Variants in STARD9 observed in about 807,000 individuals in gnomAD.
STARD9 encodes the protein StAR related lipid transfer domain containing 9.
STARD9 carries 346 observed loss-of-function variants against 399.8 expected under a neutral mutation model. The observed-to-expected ratio is 0.87, with a 90% CI of 0.79 to 0.95. The LOEUF (loss-of-function observed/expected upper bound fraction) is 0.95. Ranked by LOEUF, STARD9 falls within the 40% of genes least tolerant of loss-of-function variation. The pLI, the probability that STARD9 is intolerant of heterozygous loss-of-function variation, is 0.00. For synonymous variants in STARD9, 2,203 were observed against 2,143.5 expected, an observed-to-expected ratio of 1.03 and a Z score of -0.77; for missense variants, 5,832 against 5,667.5, an observed-to-expected ratio of 1.03 and a Z score of -0.93.
Position 42,684,890 on chromosome 15 carries a change from T to C in STARD9, c.3312T>C (p.Asp1104=). 1.3e-6 allele frequency: 2 copies of C among 1,537,066 alleles called. No homozygotes were observed. Among genetic ancestry groups the C allele is most frequent in the South Asian group, 2.4e-5 (2 of 84,068 alleles). The change falls in exon 23 of 33, where the codon GAT becomes GAC. Residue 1104 remains aspartate (D), a synonymous_variant. Coordinates refer to ENST00000290607, the MANE Select transcript of STARD9 (RefSeq NM_020759.3). The part of the protein sequence containing the change: ...REKDNDLSDT[D]SNYSLDSLSC... ...AAGACAATGATTTATCTGACACAGA[T>C]AGCAACTACTCATTGGATTCTCTCT...
At chr15:42,708,085 C>T (rs1053428309) in intron 26 of STARD9, among the ~76,000 whole-genome samples, 6 of 151,462 alleles carry the variant, frequency 4.0e-5, no homozygotes, top group Admixed American at 1.3e-4. Flanking sequence ...CCTGGGAAGT[C>T]GAGGCTGTGG....
At chr15:42,670,643 A>C (rs2060186542) in intron 16 of STARD9, 1 of 152,156 alleles carries the variant, frequency 6.6e-6, no homozygotes, top group Non-Finnish European at 1.5e-5. Context: ...ATCCCTGGAG[A>C]AATTGGACTC....
chr15:42,654,472 G>C lies in STARD9; in HGVS notation c.702+1880G>C, dbSNP rs569708425. 1.2e-4 allele frequency among the ~76,000 whole-genome samples: 18 copies of C among 152,270 alleles called. No homozygotes were observed. In the South Asian group the frequency reaches 3.5e-3, roughly 30 times the overall value. ...AAAGAAATAAAGGGCATCCAGATCA[G>C]TAAAGAGGAAGTCAAACTGTTGCTG... is the stretch of plus-strand genomic sequence containing the variant. On this transcript the variant is annotated intron_variant, in intron 9 of 32. Transcript: ENST00000290607.
Position 42,607,280 on chromosome 15 carries a change from A to G in STARD9, c.234+21643A>G, listed in dbSNP as rs894639035. ...TACAGTGGTGCGATCTCAGTTCACT[A>G]CAACCTTCGCCTCCTGGGTTCAAGC... On this transcript the variant is annotated intron_variant, in intron 3 of 32. Coordinates refer to ENST00000290607, the MANE Select transcript of STARD9 (RefSeq NM_020759.3). 4.6e-5 allele frequency among the ~76,000 whole-genome samples: 6 copies of G among 130,918 alleles called. No homozygotes were observed. The East Asian group carries it at 1.5e-3, about 33-fold the overall frequency. 85.9% of individuals were successfully genotyped at this position (130,918 alleles called of 152,430 possible).
At chr15:42,645,805 G>T (rs927420524) in intron 7 of STARD9, among the ~76,000 whole-genome samples, 1 of 152,052 alleles carries the variant, frequency 6.6e-6, no homozygotes, top group Non-Finnish European at 1.5e-5. Flanking sequence ...GCCTCCCAAA[G>T]TTCTGGGATT....
intron 16 of STARD9, chr15:42,670,529 A>G (rs1046776543): frequency 1.1e-4 from 17 of 152,336 alleles, no homozygotes; most frequent in African/African-American, 4.1e-4. Flanking sequence ...CCCATGCTCA[A>G]AATCCCTGTG....
intron 3 of STARD9, among the ~76,000 whole-genome samples, chr15:42,587,787 A>G (rs1327770551): frequency 1.3e-5 from 2 of 151,602 alleles, no homozygotes; most frequent in East Asian, 3.9e-4. Context: ...CTGATCTCGA[A>G]CTCCCGACCT....
intron 7 of STARD9, among the ~76,000 whole-genome samples, chr15:42,650,647 A>G (rs2059741962): frequency 6.6e-6 from 1 of 152,198 alleles, no homozygotes; most frequent in Admixed American, 6.5e-5. Flanking sequence ...CGAGTCTGCC[A>G]CCTTGTGGGG....
rs1417788631 is a variant in STARD9 at position 42,720,288 on chromosome 15, C to T, written c.*714C>T. The T allele has an allele frequency of 6.6e-6, 1 of 152,274 alleles. No homozygotes were observed. The highest frequency in any genetic ancestry group is 1.9e-4 in the East Asian group (1 of 5,198). The allele number at this position is 152,274 out of a possible 1,614,324, so 9.4% of individuals were successfully genotyped here. A position where few individuals can be genotyped will look rare whatever the true frequency, so the allele number is the denominator to read the frequency against. ...CGGTCAGATGGAAGACACTATAGAA[C>T]CAGGTTGGACAGATTTGGGGTCAGG... On this transcript the variant is annotated 3_prime_UTR_variant, in exon 33 of 33. Coordinates refer to ENST00000290607, the MANE Select transcript of STARD9 (RefSeq NM_020759.3).
intron 3 of STARD9, among the ~76,000 whole-genome samples, chr15:42,618,572 A>G (rs1353852013): frequency 1.3e-5 from 2 of 151,786 alleles, no homozygotes; most frequent in African/African-American, 2.4e-5. Context: ...AAAATACTTG[A>G]AAAAAAAGTT....
intron 6 of STARD9, 190 bp downstream of exon 6, chr15:42,638,277 C>T (rs766882326): frequency 1.6e-6 from 1 of 617,864 alleles, no homozygotes; most frequent in South Asian, 2.0e-5. Flanking sequence ...TAATTTCCTA[C>T]CCATAGACTT....
intron 26 of STARD9, among the ~76,000 whole-genome samples, chr15:42,711,420 C>T (rs1648522124): frequency 1.3e-5 from 2 of 152,176 alleles, no homozygotes; most frequent in Admixed American, 6.5e-5. Context: ...GGATTACAGG[C>T]GTGAGCCACT....
rs1242383844 is a variant in STARD9 at position 42,693,553 on chromosome 15, A to C, written c.11975A>C (p.Gln3992Pro). The change falls in exon 23 of 33, where the codon CAA becomes CCA. Residue 3992 changes from glutamine to proline, a missense_variant. Physicochemically the swap from Gln to Pro is moderately conservative, Grantham distance 76. Transcript: ENST00000290607. ...AGCCCACAGCAGAGTCCAAAACTCC[A>C]ATTTAGTTTCTTAGGGCAGCACCCT... Reference protein sequence around the residue: ...PHSPQQSPKLQFSFLGQHPQQ... With the variant: ...PHSPQQSPKLPFSFLGQHPQQ... 1 of 1,537,172 alleles carries C rather than the reference A, an allele frequency of 6.5e-7. No individual in the cohort carries two copies. Among genetic ancestry groups the C allele is most frequent in the Non-Finnish European group, 8.7e-7 (1 of 1,146,924 alleles).
At chr15:42,682,892 C>G (rs1212425944) in intron 22 of STARD9, among the ~76,000 whole-genome samples, 2 of 152,116 alleles carry the variant, frequency 1.3e-5, no homozygotes, top group African/African-American at 2.4e-5. Flanking sequence ...TATACGTTTC[C>G]TTGTATGTCA....
At chr15:42,669,565 G>A in intron 16 of STARD9, 1 of 392,716 alleles carries the variant, frequency 2.5e-6, no homozygotes, top group Non-Finnish European at 4.6e-6. Context: ...TTTTTCAACT[G>A]CTGCTACTGT....
intron 14 of STARD9, 110 bp from the exon 15 acceptor site, chr15:42,665,676 A>G (rs960006277): frequency 4.7e-6 from 4 of 844,134 alleles, no homozygotes; most frequent in Admixed American, 5.2e-5. Context: ...TATTTTAATA[A>G]TAAAGTTTTT....
intron 3 of STARD9, among the ~76,000 whole-genome samples, chr15:42,618,013 C>T (rs1472876225): frequency 1.3e-5 from 2 of 151,462 alleles, no homozygotes; most frequent in Non-Finnish European, 2.9e-5. Flanking sequence ...TCCTGCCTGG[C>T]CTCTCAAGGT....
Position 42,686,905 on chromosome 15 carries a change from C to A in STARD9, c.5327C>A (p.Pro1776His), listed in dbSNP as rs764918246. Reference protein sequence around the residue: ...CREVRVPSPPPREAWGFGHNH... With the variant: ...CREVRVPSPPHREAWGFGHNH... ...GAAGTAAGGGTACCCTCCCCACCCC[C>A]CAGGGAAGCCTGGGGCTTTGGTCAC... The change falls in exon 23 of 33, where the codon CCC becomes CAC. Residue 1776 changes from proline to histidine, a missense_variant. Coordinates refer to ENST00000290607, the MANE Select transcript of STARD9 (RefSeq NM_020759.3). 44 of 1,536,710 alleles carry A rather than the reference C, an allele frequency of 2.9e-5. No individual in the cohort carries two copies. The highest frequency in any genetic ancestry group is 3.7e-5 in the Non-Finnish European group (42 of 1,146,854).
At chr15:42,614,557 T>G (rs560344485) in intron 3 of STARD9, among the ~76,000 whole-genome samples, 1 of 152,356 alleles carries the variant, frequency 6.6e-6, no homozygotes, top group South Asian at 2.1e-4. Flanking sequence ...CCATACATTT[T>G]CGATGGAAAT....
Sources: gnomAD v4.1 joint callset for allele counts (sites outside exome capture counted in the v4.1 genomes callset) on GRCh38, gnomAD v4.1.1 for gene constraint, MANE v1.5 for transcripts, NCBI Gene and HGNC (gene_info 2026-07-23, HGNC 2026-07-21) for gene names.